ATAD2B: variants seen among roughly 807,000 people sequenced by gnomAD.
The protein encoded by ATAD2B is ATPase family AAA domain containing 2B, also known as ATPase family AAA domain-containing protein 2B.
Under a neutral mutation model 167.6 loss-of-function variants are expected in ATAD2B, and 40 were observed. That is an observed-to-expected ratio of 0.24 (90% CI 0.19 to 0.31). The LOEUF is 0.31. Ranked by LOEUF, ATAD2B falls within the 10% of genes least tolerant of loss-of-function variation. The pLI, the probability that ATAD2B is intolerant of heterozygous loss-of-function variation, is 1.00. For missense variants in ATAD2B, 1,242 were observed against 1,757.2 expected (o/e 0.71, Z 5.24); for synonymous variants, 579 against 596.5 (o/e 0.97, Z 0.43).
At chr2:23,745,949 T>C (rs150536246), downstream of ATAD2B, among the ~76,000 whole-genome samples, 18 of 152,364 alleles carry the variant, frequency 1.2e-4, no homozygotes, top group African/African-American at 3.4e-4. Flanking sequence ...GAAACAGATG[T>C]TGACCTGTGA....
intron 1 of ATAD2B, among the ~76,000 whole-genome samples, chr2:23,904,508 T>C (rs1417180341): frequency 2.7e-5 from 4 of 150,654 alleles, no homozygotes; most frequent in Admixed American, 1.3e-4. Context: ...GAAAGAATAG[T>C]TTAGACTTGG....
chr2:23,907,134 A>G (rs1480110976), intron 1 of ATAD2B, among the ~76,000 whole-genome samples: 2 of 151,310 alleles, frequency 1.3e-5, no homozygotes, highest in Admixed American at 6.6e-5. Flanking sequence ...CAGGCAGGAG[A>G]AGGAAATAAA....
intron 1 of ATAD2B, among the ~76,000 whole-genome samples, chr2:23,925,692 C>A (rs1465076698): frequency 6.6e-6 from 1 of 152,200 alleles, no homozygotes. Context: ...ATTTCAAGAT[C>A]TTTCAATCAG....
At chr2:23,691,891 C>T in the ATAD2B span, 4 of 1,546,398 alleles carry the variant, frequency 2.6e-6, no homozygotes, top group South Asian at 4.8e-5. Flanking sequence ...GCCCGGGGGC[C>T]ACATATGTCG....
chr2:23,883,735 A>G, intron 6 of ATAD2B: 1 of 522,946 alleles, frequency 1.9e-6, no homozygotes, highest in Non-Finnish European at 3.1e-6. Context: ...TTTTTAAAAA[A>G]CATAGTCTTC....
At chr2:23,759,618 A>T (rs1676403032) in intron 24 of ATAD2B, among the ~76,000 whole-genome samples, 1 of 152,204 alleles carries the variant, frequency 6.6e-6, no homozygotes, top group Admixed American at 6.5e-5. Flanking sequence ...ATCATCTCCA[A>T]AATTCAGGTT....
At chr2:23,733,311 A>G in the ATAD2B span, among the ~76,000 whole-genome samples, 1 of 152,140 alleles carries the variant, frequency 6.6e-6, no homozygotes, top group Non-Finnish European at 1.5e-5. Flanking sequence ...ACTGTTGTCC[A>G]TTTTGAACAT....
chr2:23,862,300 G>A (rs369127616), intron 12 of ATAD2B, among the ~76,000 whole-genome samples: 6 of 151,574 alleles, frequency 4.0e-5, no homozygotes, highest in Non-Finnish European at 5.9e-5. Context: ...TTTATTTCAC[G>A]TGAATTTCCT....
At chr2:23,817,321 T>C (rs975178570) in intron 17 of ATAD2B, among the ~76,000 whole-genome samples, 1 of 152,188 alleles carries the variant, frequency 6.6e-6, no homozygotes, top group Non-Finnish European at 1.5e-5. Flanking sequence ...TCCTCATCTA[T>C]AAAATGAAGA....
In ATAD2B at chr2:23,781,552, C is replaced by T. The variant is rs762489405; in HGVS notation, c.3133+1317G>A. On this transcript the variant is annotated intron_variant, in intron 22 of 27. Transcript: ENST00000238789. Reference sequence around the variant, plus strand: ...TGGTGGCAGGTGCCTGAAATCCCAGCTACTCGGGAGGCTGAGCCAGGAGAA... The same window carrying T: ...TGGTGGCAGGTGCCTGAAATCCCAGTTACTCGGGAGGCTGAGCCAGGAGAA... Among the ~76,000 whole-genome samples the T allele has an allele frequency of 5.3e-4, 81 of 151,826 alleles. 1 individual carries two copies. The highest frequency in any genetic ancestry group is 9.0e-4 in the Non-Finnish European group (61 of 67,926).
At chr2:23,804,093 C>T (rs1046928136) in intron 18 of ATAD2B, among the ~76,000 whole-genome samples, 4 of 152,122 alleles carry the variant, frequency 2.6e-5, no homozygotes, top group African/African-American at 9.7e-5. Context: ...TCAATCTTTC[C>T]AGTGTTTCAG....
At chr2:23,900,035 A>G (rs1700627750) in intron 1 of ATAD2B, among the ~76,000 whole-genome samples, 1 of 141,824 alleles carries the variant, frequency 7.1e-6, no homozygotes, top group African/African-American at 2.7e-5. Context: ...CTCCTGCCTC[A>G]GCCTCCCAAG....
intron 22 of ATAD2B, among the ~76,000 whole-genome samples, chr2:23,779,774 T>C (rs1008096654): frequency 6.6e-6 from 1 of 152,158 alleles, no homozygotes; most frequent in African/African-American, 2.4e-5. Flanking sequence ...CACAAAATAT[T>C]ATAGGAATGA....
intron 19 of ATAD2B, among the ~76,000 whole-genome samples, chr2:23,794,553 T>A (rs1682303958): frequency 6.6e-6 from 1 of 152,210 alleles, no homozygotes; most frequent in Non-Finnish European, 1.5e-5. Context: ...GGTGCAATGA[T>A]TTCCAAACTT....
At chr2:23,892,505 T>C (rs1366823694) in intron 2 of ATAD2B, among the ~76,000 whole-genome samples, 2 of 149,418 alleles carry the variant, frequency 1.3e-5, no homozygotes, top group African/African-American at 2.5e-5. Context: ...AGAGTCTCAC[T>C]CTGTCATCCA....
downstream of ATAD2B, among the ~76,000 whole-genome samples, chr2:23,747,673 T>C (rs1242357849): frequency 6.6e-6 from 1 of 152,146 alleles, no homozygotes; most frequent in Non-Finnish European, 1.5e-5. Context: ...CCAATTCCCC[T>C]GGCAGACTCT....
chr2:23,808,965 T>A (rs1366554477), intron 18 of ATAD2B: 1 of 152,160 alleles, frequency 6.6e-6, no homozygotes, highest in African/African-American at 2.4e-5. Context: ...AATGATCTTA[T>A]CCTTTAAGAT....
At chr2:23,721,299 A>T in the ATAD2B span, among the ~76,000 whole-genome samples, 216 of 152,368 alleles carry the variant, frequency 1.4e-3, no homozygotes, top group Admixed American at 3.5e-3. Context: ...CAATCAGAGC[A>T]TGACAAGCAG....
chr2:23,737,087 G>GGCCT, the ATAD2B span, among the ~76,000 whole-genome samples: 5 of 152,232 alleles, frequency 3.3e-5, no homozygotes, highest in African/African-American at 1.2e-4. Flanking sequence ...AGCTAAAGGA[G>GGCCT]GCCTGCCTGC....
Sources: allele counts gnomAD v4.1 joint callset (sites outside exome capture counted in the v4.1 genomes callset), GRCh38; gene constraint gnomAD v4.1.1; transcripts MANE v1.5; gene names NCBI Gene and HGNC (gene_info 2026-07-23, HGNC 2026-07-21).